The following ROBO2 variants were observed in gnomAD, a reference collection of about 807,000 sequenced individuals.
The protein encoded by ROBO2 is roundabout guidance receptor 2.
Under a neutral mutation model 160.8 loss-of-function variants are expected in ROBO2, and 53 were observed. That is an observed-to-expected ratio of 0.33 (90% CI 0.26 to 0.41). The LOEUF (loss-of-function observed/expected upper bound fraction) is 0.41. Ranked by LOEUF, ROBO2 falls within the 10% of genes least tolerant of loss-of-function variation. ROBO2 has a pLI of 1.00. For missense variants in ROBO2, 1,577 were observed against 1,722.4 expected (o/e 0.92, Z 1.49); for synonymous variants, 664 against 611.7 (o/e 1.09, Z -1.26).
chr3:76,944,919 C>G (rs1390847969), intron 2 of ROBO2, among the ~76,000 whole-genome samples: 1 of 151,590 alleles, frequency 6.6e-6, no homozygotes, highest in Non-Finnish European at 1.5e-5. Context: ...GACGGAGTCT[C>G]GCTCTGTTGC....
chr3:76,661,989 G>GT (rs2091841850), intron 2 of ROBO2, among the ~76,000 whole-genome samples: 1 of 152,260 alleles, frequency 6.6e-6, no homozygotes, highest in East Asian at 1.9e-4. Context: ...TTGGAATTTG[G>GT]TATCTTGTTT....
At chr3:76,899,795 A>C (rs776461258) in intron 2 of ROBO2, among the ~76,000 whole-genome samples, 11 of 152,088 alleles carry the variant, frequency 7.2e-5, no homozygotes, top group Non-Finnish European at 1.6e-4. Context: ...ACAGAAACAA[A>C]ATCATTGAGA....
At chr3:77,445,041 G>T (rs2080326743) in intron 2 of ROBO2, among the ~76,000 whole-genome samples, 1 of 152,098 alleles carries the variant, frequency 6.6e-6, no homozygotes, top group African/African-American at 2.4e-5. Flanking sequence ...ATCAGCAAGT[G>T]ATTGATGTGC....
intron 2 of ROBO2, among the ~76,000 whole-genome samples, chr3:76,290,635 C>T (rs903228269): frequency 6.6e-6 from 1 of 152,080 alleles, no homozygotes; most frequent in South Asian, 2.1e-4. Context: ...GTCATCTGTT[C>T]AGCATCATGT....
At chr3:76,369,876 C>T (rs1034639032) in intron 2 of ROBO2, among the ~76,000 whole-genome samples, 12 of 151,964 alleles carry the variant, frequency 7.9e-5, no homozygotes, top group Non-Finnish European at 1.5e-4. Flanking sequence ...TGTTTCTCTA[C>T]CTAGACTTGT....
chr3:76,710,981 A>G (rs2093281312), intron 2 of ROBO2, among the ~76,000 whole-genome samples: 1 of 152,218 alleles, frequency 6.6e-6, no homozygotes, highest in Admixed American at 6.5e-5. Flanking sequence ...TTTCAAAATT[A>G]TAGAAAATAC....
chr3:76,100,037 C>T (rs2069617843), intron 2 of ROBO2, among the ~76,000 whole-genome samples: 1 of 152,136 alleles, frequency 6.6e-6, no homozygotes, highest in Non-Finnish European at 1.5e-5. Context: ...GGCTCATAGC[C>T]TCATGCATAG....
At chr3:77,634,575 AATAAAAGT>A (rs2095230795) in intron 23 of ROBO2, 4 of 364,528 alleles carry the variant, frequency 1.1e-5, no homozygotes, top group Non-Finnish European at 2.1e-5. Context: ...GTCAAGGTTA[AATAAAAGT>A]ATAATCATGC....
chr3:77,079,118 T>A (rs2068342388), intron 1 of ROBO2, among the ~76,000 whole-genome samples: 1 of 152,090 alleles, frequency 6.6e-6, no homozygotes, highest in Non-Finnish European at 1.5e-5. Flanking sequence ...GGCTAGTTTT[T>A]GTATTTTTAG....
At chr3:77,248,002 A>G (rs4683986) in intron 2 of ROBO2, among the ~76,000 whole-genome samples, 47,636 of 151,088 alleles carry the variant, frequency 0.32, 7,714 homozygotes, top group Middle Eastern at 0.4. Flanking sequence ...CCACAGCCCC[A>G]CCCCACCCCC....
chr3:76,863,234 G>T (rs979334803), intron 2 of ROBO2, among the ~76,000 whole-genome samples: 5 of 151,996 alleles, frequency 3.3e-5, no homozygotes, highest in African/African-American at 1.2e-4. Flanking sequence ...TGTACAGGCT[G>T]TTTCTTCTGT....
At chr3:77,508,866 C>T (rs151139021) in intron 5 of ROBO2, among the ~76,000 whole-genome samples, 4 of 152,116 alleles carry the variant, frequency 2.6e-5, no homozygotes, top group Admixed American at 6.6e-5. Context: ...GATCAAACTT[C>T]GGTTTCTTCA....
chr3:76,067,835 C>A (rs950143394), intron 2 of ROBO2, among the ~76,000 whole-genome samples: 8 of 89,832 alleles, frequency 8.9e-5, no homozygotes, highest in African/African-American at 4.5e-4. Context: ...AGGTTAAGCC[C>A]TAAAATATCA....
intron 2 of ROBO2, among the ~76,000 whole-genome samples, chr3:76,774,099 C>G (rs1256989723): frequency 6.6e-6 from 1 of 150,818 alleles, no homozygotes; most frequent in Non-Finnish European, 1.5e-5. Context: ...TGTTCAGAAA[C>G]TAAATCATAA....
intron 2 of ROBO2, among the ~76,000 whole-genome samples, chr3:76,038,662 C>T (rs1652007303): frequency 6.6e-6 from 1 of 152,014 alleles, no homozygotes; most frequent in Admixed American, 6.5e-5. Context: ...CTCTACTTTC[C>T]TAGCTATTGA....
At chr3:76,194,571 G>T (rs1702171243) in intron 2 of ROBO2, among the ~76,000 whole-genome samples, 1 of 151,378 alleles carries the variant, frequency 6.6e-6, no homozygotes, top group Admixed American at 6.6e-5. Flanking sequence ...AGACAAAACA[G>T]CAAGTTAATA....
At chr3:77,005,048 A>AAACAG (rs74740387) in intron 2 of ROBO2, among the ~76,000 whole-genome samples, 54,395 of 123,764 alleles carry the variant, frequency 0.44, 10,623 homozygotes, top group East Asian at 0.71. Flanking sequence ...GCCTAAAACA[A>AAACAG]AACAGAACAG....
At chr3:76,181,670 A>T (rs529970836) in intron 2 of ROBO2, among the ~76,000 whole-genome samples, 300 of 152,206 alleles carry the variant, frequency 2.0e-3, no homozygotes, top group African/African-American at 6.9e-3. Context: ...AAGGTTAAAA[A>T]TTTTCATTCT....
At chr3:77,467,508 A>C (rs975875670) in intron 2 of ROBO2, among the ~76,000 whole-genome samples, 1 of 152,192 alleles carries the variant, frequency 6.6e-6, no homozygotes, top group Non-Finnish European at 1.5e-5. Flanking sequence ...AGAAGCAGAC[A>C]GATGGTTATT....
Sources: allele counts gnomAD v4.1 joint callset (sites outside exome capture counted in the v4.1 genomes callset), GRCh38; gene constraint gnomAD v4.1.1; transcripts MANE v1.5; gene names NCBI Gene and HGNC (gene_info 2026-07-23, HGNC 2026-07-21).